Variants in NAV2 observed in about 807,000 individuals in gnomAD.
NAV2 encodes the protein neuron navigator 2.
Under a neutral mutation model 223.2 loss-of-function variants are expected in NAV2, and 54 were observed. That is an observed-to-expected ratio of 0.24 (90% CI 0.19 to 0.30). NAV2 has a LOEUF of 0.30. Among genes scored for constraint, NAV2 ranks in the 10% least tolerant of loss-of-function variants. The pLI, the probability that NAV2 is intolerant of heterozygous loss-of-function variation, is 1.00. For synonymous variants in NAV2, 1,279 were observed against 1,239.3 expected (o/e 1.03, Z -0.67); for missense variants, 2,806 against 3,147.5 (o/e 0.89, Z 2.60).
chr11:19,957,668 A>G (rs571994221), intron 10 of NAV2, among the ~76,000 whole-genome samples: 29 of 152,328 alleles, frequency 1.9e-4, no homozygotes, highest in African/African-American at 6.3e-4. Context: ...CAGAGGAGAA[A>G]GAATAGCTGA....
intron 1 of NAV2, among the ~76,000 whole-genome samples, chr11:19,819,261 T>C (rs7105344): frequency 0.47 from 71,072 of 151,944 alleles, 18,353 homozygotes; most frequent in East Asian, 0.66. Context: ...GAAGAAAAAA[T>C]GAGTAATTCT....
At chr11:19,838,502 C>T (rs1294774683) in intron 2 of NAV2, among the ~76,000 whole-genome samples, 2 of 152,148 alleles carry the variant, frequency 1.3e-5, no homozygotes, top group Non-Finnish European at 2.9e-5. Flanking sequence ...GCAGGGCCAC[C>T]AGGTATAAGG....
chr11:19,450,046 A>T (rs1317883971), intron 1 of NAV2, among the ~76,000 whole-genome samples: 2 of 152,196 alleles, frequency 1.3e-5, no homozygotes, highest in Non-Finnish European at 1.5e-5. Context: ...ACCTCATTTT[A>T]AAAAATGAAC....
At chr11:19,579,672 G>C (rs567405832) in intron 1 of NAV2, among the ~76,000 whole-genome samples, 1 of 152,220 alleles carries the variant, frequency 6.6e-6, no homozygotes, top group East Asian at 1.9e-4. Flanking sequence ...ATATGTGTTA[G>C]GTATTTAGAG....
intron 3 of NAV2, among the ~76,000 whole-genome samples, chr11:19,855,655 A>G (rs1372834361): frequency 6.6e-6 from 1 of 152,172 alleles, no homozygotes; most frequent in Non-Finnish European, 1.5e-5. Flanking sequence ...CTGAGGGACT[A>G]CTTGTGCATG....
At chr11:19,803,349 T>C (rs773002854) in intron 1 of NAV2, among the ~76,000 whole-genome samples, 6 of 152,202 alleles carry the variant, frequency 3.9e-5, no homozygotes, top group Non-Finnish European at 8.8e-5. Context: ...TGCTCACCCT[T>C]TAATGCCCTT....
At chr11:19,977,393 T>G (rs1441840668) in intron 10 of NAV2, among the ~76,000 whole-genome samples, 1 of 152,266 alleles carries the variant, frequency 6.6e-6, no homozygotes, top group Non-Finnish European at 1.5e-5. Flanking sequence ...TGTTTCATCT[T>G]GTGTCAGTTT....
At chr11:19,537,645 C>T (rs1421502328) in intron 1 of NAV2, among the ~76,000 whole-genome samples, 1 of 152,190 alleles carries the variant, frequency 6.6e-6, no homozygotes, top group East Asian at 1.9e-4. Context: ...TGCTTCTGCT[C>T]TTAAGTGTAT....
intron 1 of NAV2, among the ~76,000 whole-genome samples, chr11:19,354,940 A>G (rs1184725648): frequency 1.3e-5 from 2 of 152,200 alleles, no homozygotes; most frequent in Non-Finnish European, 2.9e-5. Flanking sequence ...TGGGTGCCAC[A>G]TATAGATGGT....
At chr11:19,831,585 T>C (rs2059946258) in intron 1 of NAV2, among the ~76,000 whole-genome samples, 1 of 152,216 alleles carries the variant, frequency 6.6e-6, no homozygotes, top group Admixed American at 6.5e-5. Flanking sequence ...GCATGGAACT[T>C]GGCACTCAAA....
intron 1 of NAV2, among the ~76,000 whole-genome samples, chr11:19,692,391 G>C (rs1246161184): frequency 1.3e-5 from 2 of 152,194 alleles, no homozygotes; most frequent in East Asian, 3.8e-4. Flanking sequence ...CTTGTGTCTG[G>C]GAAAGCTTGT....
chr11:19,408,826 G>A (rs1037322016), intron 1 of NAV2, among the ~76,000 whole-genome samples: 1 of 152,028 alleles, frequency 6.6e-6, no homozygotes, highest in Non-Finnish European at 1.5e-5. Context: ...TGGCGGGGTG[G>A]GGGGATGTTA....
At chr11:19,539,264 C>G (rs1057262113) in intron 1 of NAV2, among the ~76,000 whole-genome samples, 3 of 152,122 alleles carry the variant, frequency 2.0e-5, no homozygotes, top group African/African-American at 7.2e-5. Flanking sequence ...AATCTATTTC[C>G]AGATCTCAAC....
chr11:19,654,363 A>C (rs1044894584), intron 1 of NAV2, among the ~76,000 whole-genome samples: 1 of 152,174 alleles, frequency 6.6e-6, no homozygotes, highest in Non-Finnish European at 1.5e-5. Context: ...GCTACCAATG[A>C]CTTTCTTCAC....
chr11:20,026,322 T>G (rs1378189945), intron 11 of NAV2, among the ~76,000 whole-genome samples: 2 of 151,952 alleles, frequency 1.3e-5, no homozygotes, highest in East Asian at 1.9e-4. Context: ...TTATTTTTAT[T>G]TTTTTTGAGA....
intron 6 of NAV2, among the ~76,000 whole-genome samples, chr11:19,909,368 A>G (rs755814270): frequency 2.6e-5 from 4 of 151,960 alleles, no homozygotes; most frequent in Non-Finnish European, 5.9e-5. Flanking sequence ...TGGCCACCCC[A>G]CTCTGGCCAT....
intron 1 of NAV2, among the ~76,000 whole-genome samples, chr11:19,828,230 C>T (rs1435924522): frequency 6.6e-6 from 1 of 152,128 alleles, no homozygotes; most frequent in African/African-American, 2.4e-5. Flanking sequence ...TTCACATATA[C>T]AATTTAGTGG....
In NAV2 at chr11:19,750,140, T is replaced by C. The variant is rs187161047; in HGVS notation, c.267+36178T>C. 2.6e-5 allele frequency among the ~76,000 whole-genome samples: 4 copies of C among 152,338 alleles called. No homozygotes were observed. In the East Asian group the frequency reaches 5.8e-4, roughly 22 times the overall value. The stretch of plus-strand genomic sequence containing the variant: ...TCCCTTGCCTGTGTCTGGGTGAGGA[T>C]TGTCTTAGAGGACATTGATCATTTT... On this transcript the variant is annotated intron_variant, in intron 1 of 37. Transcript: ENST00000349880.
At chr11:19,466,463 G>A (rs1852353994) in intron 1 of NAV2, among the ~76,000 whole-genome samples, 1 of 152,222 alleles carries the variant, frequency 6.6e-6, no homozygotes, top group African/African-American at 2.4e-5. Flanking sequence ...GAGGTGTGCA[G>A]GTGCCAAAGC....
Sources: gnomAD v4.1 joint callset for allele counts (sites outside exome capture counted in the v4.1 genomes callset) on GRCh38, gnomAD v4.1.1 for gene constraint, MANE v1.5 for transcripts, NCBI Gene and HGNC (gene_info 2026-07-23, HGNC 2026-07-21) for gene names.